The following ARID1B variants were observed in gnomAD, a reference collection of about 807,000 sequenced individuals.
The protein encoded by ARID1B is AT-rich interactive domain-containing protein 1B.
A neutral mutation model predicts 212.3 loss-of-function variants in ARID1B; 30 were observed. The ratio of observed to expected loss-of-function variants is 0.14; its 90% CI spans 0.11 to 0.19. ARID1B has a LOEUF of 0.19. Ranked by LOEUF, ARID1B falls within the 10% of genes least tolerant of loss-of-function variation. The pLI is 1.00. For missense variants in ARID1B, 2,891 were observed against 3,204.0 expected (o/e 0.90, Z 2.36); for synonymous variants, 1,402 against 1,301.7 (o/e 1.08, Z -1.66).
chr6:157,190,514 A>G lies in ARID1B; in HGVS notation c.4231+304A>G, dbSNP rs375262673. Among the ~76,000 whole-genome samples the G allele has an allele frequency of 6.6e-6, 1 of 152,184 alleles. No homozygotes were observed. On this transcript the variant is annotated intron_variant, in intron 15 of 19. Transcript: ENST00000636930. This position sits in a 1 kb window ranked among gnomAD's most constrained non-coding sequence, Gnocchi z 4.6. ...CGTTCCTCATCTAGAAATTGGGAAA[A>G]TAATAGGACCCGCTTCCAAAGGCAT...
At chr6:157,155,531 G>A (rs1221072109) in intron 8 of ARID1B, among the ~76,000 whole-genome samples, 2 of 151,380 alleles carry the variant, frequency 1.3e-5, no homozygotes, top group Non-Finnish European at 2.9e-5. Context: ...TGTTACTCTT[G>A]ACTAGAAGGG....
intron 4 of ARID1B, among the ~76,000 whole-genome samples, chr6:157,011,670 T>A (rs1779616692): frequency 6.6e-6 from 1 of 152,250 alleles, no homozygotes; most frequent in African/African-American, 2.4e-5. Context: ...TATTTATTTT[T>A]GTATAGTGTT....
At chr6:156,902,007 A>G (rs961821050) in intron 3 of ARID1B, 1 of 160,158 alleles carries the variant, frequency 6.2e-6, no homozygotes, top group African/African-American at 2.4e-5. Context: ...ACTAGCTTAT[A>G]AGTAGATATT....
In ARID1B at chr6:157,047,281, A is replaced by G. The variant is rs554175804; in HGVS notation, c.2248-37381A>G. 1.8e-4 allele frequency among the ~76,000 whole-genome samples: 28 copies of G among 152,330 alleles called. No individual in the cohort carries two copies. The South Asian group carries it at 2.5e-3, about 14-fold the overall frequency. The stretch of plus-strand genomic sequence containing the variant: ...GAGATGTTTGTGGAGCTTAACTGAC[A>G]TGAGAGTACCCAGTAGGCCAGAAAG... On this transcript the variant is annotated intron_variant, in intron 4 of 19. Coordinates refer to ENST00000636930, the MANE Select transcript of ARID1B (RefSeq NM_001374828.1).
At chr6:157,011,038 T>G (rs10457938) in intron 4 of ARID1B, among the ~76,000 whole-genome samples, 3,797 of 152,316 alleles carry the variant, frequency 0.025, 71 homozygotes, top group South Asian at 0.045. Flanking sequence ...GTGTGTTTTT[T>G]AAGTTTTTTT....
intron 2 of ARID1B, among the ~76,000 whole-genome samples, chr6:156,870,804 A>G (rs543961387): frequency 5.9e-5 from 9 of 152,276 alleles, no homozygotes; most frequent in African/African-American, 1.7e-4. Flanking sequence ...ATATGTTTAC[A>G]TTTTTAAAAA....
At chr6:157,102,636 G>T (rs1329061268) in intron 5 of ARID1B, among the ~76,000 whole-genome samples, 2 of 127,030 alleles carry the variant, frequency 1.6e-5, no homozygotes, top group African/African-American at 6.0e-5. Flanking sequence ...TTTTTGAGAC[G>T]GAGTCTTGCT....
At chr6:156,929,806 A>C (rs1249162128) in intron 3 of ARID1B, among the ~76,000 whole-genome samples, 1 of 151,898 alleles carries the variant, frequency 6.6e-6, no homozygotes, top group Non-Finnish European at 1.5e-5. Flanking sequence ...CTCCTCACTG[A>C]CCTCTTACTA....
At chr6:156,897,227 T>G (rs948904861) in intron 2 of ARID1B, among the ~76,000 whole-genome samples, 841 of 81,476 alleles carry the variant, frequency 0.01, 10 homozygotes, top group African/African-American at 0.017. Context: ...TGCTTCTTCT[T>G]CTTCTTCTTC....
At chr6:156,845,168 T>A (rs898048056) in intron 2 of ARID1B, among the ~76,000 whole-genome samples, 1 of 152,170 alleles carries the variant, frequency 6.6e-6, no homozygotes, top group Non-Finnish European at 1.5e-5. Context: ...TATTTGGAAG[T>A]AAGCACTTTG....
chr6:156,936,716 T>C (rs901019264), intron 4 of ARID1B: 1 of 152,004 alleles, frequency 6.6e-6, no homozygotes, highest in Non-Finnish European at 1.5e-5. Context: ...TTACATTTAT[T>C]TGAAGAATTG....
intron 2 of ARID1B, among the ~76,000 whole-genome samples, chr6:156,865,003 T>C (rs182246599): frequency 6.6e-6 from 1 of 152,340 alleles, no homozygotes; most frequent in African/African-American, 2.4e-5. Context: ...TATAACTGTC[T>C]GTCTCTCCTT....
intron 1 of ARID1B, among the ~76,000 whole-genome samples, chr6:156,781,465 A>G (rs1322121282): frequency 6.6e-6 from 1 of 152,156 alleles, no homozygotes; most frequent in Non-Finnish European, 1.5e-5. Flanking sequence ...GAGAGGAACA[A>G]CAGTCGTTGT....
At chr6:156,979,916 A>G (rs1777504619) in intron 4 of ARID1B, among the ~76,000 whole-genome samples, 1 of 152,102 alleles carries the variant, frequency 6.6e-6, no homozygotes, top group Non-Finnish European at 1.5e-5. Flanking sequence ...TCTTTTACCC[A>G]GGCTGGAGTG....
rs1331226500 is a variant in ARID1B, at chr6:157,148,114, C to T, written c.2762-510C>T. Reference sequence around the variant, plus strand: ...AAAACTGGGGCTCATGTCAGGTTCCCGCGTGACACCTTCCTGTGGGGTTTT... The same window carrying T: ...AAAACTGGGGCTCATGTCAGGTTCCTGCGTGACACCTTCCTGTGGGGTTTT... On this transcript the variant is annotated intron_variant, in intron 7 of 19. Transcript: ENST00000636930. The surrounding 1 kb of genome is among the most constrained non-coding windows in gnomAD (Gnocchi z 5.6). Among the ~76,000 whole-genome samples, 2 of 151,858 alleles carry T rather than the reference C, an allele frequency of 1.3e-5. No homozygotes were observed. The highest frequency in any genetic ancestry group is 6.6e-5 in the Admixed American group (1 of 15,250).
intron 4 of ARID1B, among the ~76,000 whole-genome samples, chr6:157,048,945 G>A (rs577501611): frequency 9.2e-4 from 140 of 152,182 alleles, no homozygotes; most frequent in Middle Eastern, 3.4e-3. Flanking sequence ...AGACTGAGGC[G>A]GGCAGATCAC....
intron 1 of ARID1B, among the ~76,000 whole-genome samples, chr6:156,826,139 T>G (rs920702960): frequency 1.3e-5 from 2 of 151,754 alleles, no homozygotes; most frequent in African/African-American, 4.8e-5. Context: ...TTGTATCACA[T>G]GGTGAATTTT....
intron 5 of ARID1B, among the ~76,000 whole-genome samples, chr6:157,103,831 C>CTTTTTTTT (rs869280492): frequency 8.4e-6 from 1 of 118,388 alleles, no homozygotes; most frequent in African/African-American, 3.5e-5. Flanking sequence ...ATATTAACAA[C>CTTTTTTTT]TTTTTTTTTT....
chr6:156,915,670 C>T (rs370751826), intron 3 of ARID1B, among the ~76,000 whole-genome samples: 469 of 151,274 alleles, frequency 3.1e-3, no homozygotes, highest in South Asian at 0.021. Flanking sequence ...CCCAGGCGGG[C>T]AGATCACTTG....
Sources: allele counts gnomAD v4.1 joint callset (sites outside exome capture counted in the v4.1 genomes callset), GRCh38; gene constraint gnomAD v4.1.1; non-coding constraint Gnocchi (gnomAD v3.1); transcripts MANE v1.5; gene names NCBI Gene and HGNC (gene_info 2026-07-23, HGNC 2026-07-21).